The following HS3ST4 variants were observed in gnomAD, a reference collection of about 807,000 sequenced individuals.
HS3ST4 encodes heparan sulfate glucosamine 3-O-sulfotransferase 4.
In HS3ST4, 17 loss-of-function variants were observed where a neutral mutation model predicts 29.2. The observed-to-expected ratio is 0.58, with a 90% CI of 0.40 to 0.87. The LOEUF is 0.87. Ranked by LOEUF, HS3ST4 falls within the 40% of genes least tolerant of loss-of-function variation. The pLI, the probability that HS3ST4 is intolerant of heterozygous loss-of-function variation, is 0.00. For synonymous variants in HS3ST4, 314 were observed against 285.7 expected, an observed-to-expected ratio of 1.10 and a Z score of -1.00; for missense variants, 627 against 634.5, an observed-to-expected ratio of 0.99 and a Z score of 0.13.
At chr16:26,034,660 A>G (rs76553978) in intron 1 of HS3ST4, among the ~76,000 whole-genome samples, 23,743 of 136,324 alleles carry the variant, frequency 0.17, 3,734 homozygotes, top group African/African-American at 0.42. Context: ...TCCATTAAAT[A>G]GCAGGGGCGG....
rs117091979 is a variant in HS3ST4, at chr16:25,801,172, C to T, written c.734+108021C>T. Among the ~76,000 whole-genome samples, 93 of 152,170 alleles carry T rather than the reference C, an allele frequency of 6.1e-4. No homozygotes were observed. The East Asian group carries it at 0.016, about 27-fold the overall frequency. On this transcript the variant is annotated intron_variant, in intron 1 of 1. Transcript: ENST00000331351. ...TCATTTGGAGGACCACTGTTATATA[C>T]GCACACAGACAGGATACTCATGCTG...
chr16:26,090,525 C>T (rs1057168423), intron 1 of HS3ST4, among the ~76,000 whole-genome samples: 2 of 151,810 alleles, frequency 1.3e-5, no homozygotes, highest in African/African-American at 4.8e-5. Flanking sequence ...TGGGAGTGGG[C>T]TCTTCCTTAA....
At chr16:25,809,095 T>C (rs1038767074) in intron 1 of HS3ST4, among the ~76,000 whole-genome samples, 3 of 152,086 alleles carry the variant, frequency 2.0e-5, no homozygotes, top group Non-Finnish European at 4.4e-5. Context: ...TTCTTTTCCT[T>C]CCCTTATTGC....
intron 1 of HS3ST4, among the ~76,000 whole-genome samples, chr16:26,030,755 T>G (rs943482618): frequency 4.6e-5 from 7 of 152,164 alleles, no homozygotes; most frequent in African/African-American, 1.7e-4. Flanking sequence ...ATAAATATGG[T>G]CTTGGGTCCT....
chr16:25,882,760 T>C (rs4408549), intron 1 of HS3ST4, among the ~76,000 whole-genome samples: 61,501 of 151,978 alleles, frequency 0.4, 12,886 homozygotes, highest in East Asian at 0.62. Flanking sequence ...ACAGACAGAT[T>C]CCTCTTTGTT....
intron 1 of HS3ST4, among the ~76,000 whole-genome samples, chr16:25,788,697 C>T (rs1007193597): frequency 3.1e-4 from 47 of 151,668 alleles, no homozygotes; most frequent in East Asian, 5.9e-4. Context: ...TGCACCACCA[C>T]ACTGGGCTAA....
At chr16:26,082,228 AT>A (rs1596674313) in intron 1 of HS3ST4, among the ~76,000 whole-genome samples, 1 of 152,116 alleles carries the variant, frequency 6.6e-6, no homozygotes, top group East Asian at 1.9e-4. Flanking sequence ...CCTTACAATT[AT>A]TCAAACCACA....
intron 1 of HS3ST4, among the ~76,000 whole-genome samples, chr16:25,726,437 A>G (rs577868029): frequency 1.5e-4 from 23 of 152,260 alleles, no homozygotes; most frequent in African/African-American, 5.5e-4. Context: ...ACAAATGGGT[A>G]TGAAACACAC....
chr16:26,130,373 G>C (rs971111847), intron 1 of HS3ST4, among the ~76,000 whole-genome samples: 1 of 152,146 alleles, frequency 6.6e-6, no homozygotes, highest in Non-Finnish European at 1.5e-5. Context: ...GATGAGCCAT[G>C]TCCTGCATGT....
At chr16:26,099,166 T>G (rs982677903) in intron 1 of HS3ST4, among the ~76,000 whole-genome samples, 1 of 152,200 alleles carries the variant, frequency 6.6e-6, no homozygotes, top group African/African-American at 2.4e-5. Context: ...AGAGCTAATT[T>G]TTTTTAGAGA....
chr16:26,126,263 A>G lies in HS3ST4; in HGVS notation c.735-9349A>G, dbSNP rs572667622. Among the ~76,000 whole-genome samples the G allele has an allele frequency of 1.4e-4, 22 of 152,318 alleles. No individual in the cohort carries two copies. In the South Asian group the frequency reaches 4.6e-3, roughly 32 times the overall value. Reference sequence around the variant, plus strand: ...TACTCAGCCACACAAAAATCCACACAGGAATTTTCCCATATCCAGAGCTCT... The same window carrying G: ...TACTCAGCCACACAAAAATCCACACGGGAATTTTCCCATATCCAGAGCTCT... On this transcript the variant is annotated intron_variant, in intron 1 of 1. Transcript: ENST00000331351.
chr16:25,917,300 C>T (rs888491643), intron 1 of HS3ST4, among the ~76,000 whole-genome samples: 1 of 152,116 alleles, frequency 6.6e-6, no homozygotes, highest in African/African-American at 2.4e-5. Context: ...GCAACCTCCA[C>T]CTCCCAGGTT....
chr16:25,766,762 G>C (rs988282444), intron 1 of HS3ST4, among the ~76,000 whole-genome samples: 1 of 152,174 alleles, frequency 6.6e-6, no homozygotes, highest in Non-Finnish European at 1.5e-5. Context: ...CAAAATCACT[G>C]CAGATGCCTG....
intron 1 of HS3ST4, among the ~76,000 whole-genome samples, chr16:26,104,754 C>G (rs1899030116): frequency 6.6e-6 from 1 of 152,216 alleles, no homozygotes. Flanking sequence ...ATTCATGTCT[C>G]AACTAAGACC....
intron 1 of HS3ST4, among the ~76,000 whole-genome samples, chr16:25,847,842 G>A (rs929125520): frequency 2.0e-5 from 3 of 152,008 alleles, no homozygotes; most frequent in South Asian, 2.1e-4. Flanking sequence ...TGGTTCTGTC[G>A]TTTCATTTGG....
chr16:26,032,924 G>T (rs535253830), intron 1 of HS3ST4: 10 of 838,584 alleles, frequency 1.2e-5, no homozygotes, highest in Non-Finnish European at 1.9e-5. Flanking sequence ...TGCTCCGGAG[G>T]CGTGTTTTAA....
chr16:25,814,208 G>T (rs185028599), intron 1 of HS3ST4, among the ~76,000 whole-genome samples: 2 of 152,296 alleles, frequency 1.3e-5, no homozygotes, highest in East Asian at 3.9e-4. Flanking sequence ...AACTGTGAAT[G>T]TTAGTGTATG....
intron 1 of HS3ST4, among the ~76,000 whole-genome samples, chr16:25,696,998 C>T (rs575760660): frequency 1.3e-5 from 2 of 152,286 alleles, no homozygotes; most frequent in Middle Eastern, 3.4e-3. Context: ...TGTTCAGTGC[C>T]TCTGCTGAGA....
At chr16:25,838,895 T>C (rs1428424453) in intron 1 of HS3ST4, among the ~76,000 whole-genome samples, 1 of 152,200 alleles carries the variant, frequency 6.6e-6, no homozygotes, top group African/African-American at 2.4e-5. Flanking sequence ...GTGATTTGCC[T>C]TCCCTGCCAC....
Sources: gnomAD v4.1 joint callset for allele counts (sites outside exome capture counted in the v4.1 genomes callset) on GRCh38, gnomAD v4.1.1 for gene constraint, MANE v1.5 for transcripts, NCBI Gene and HGNC (gene_info 2026-07-23, HGNC 2026-07-21) for gene names.